IZUMO3: variants seen among roughly 807,000 people sequenced by gnomAD.
The protein encoded by IZUMO3 is izumo sperm-egg fusion protein 3.
Under a neutral mutation model 28.4 loss-of-function variants are expected in IZUMO3, and 36 were observed. That is an observed-to-expected ratio of 1.27 (90% CI 0.97 to 1.67). The LOEUF is 1.67. IZUMO3 is among the 40% of genes most tolerant of loss of function. The pLI, the probability that IZUMO3 is intolerant of heterozygous loss-of-function variation, is 0.00. For synonymous variants in IZUMO3, 126 were observed against 99.2 expected (o/e 1.27, Z -1.61); for missense variants, 387 against 278.5 (o/e 1.39, Z -2.77).
At chr9:24,543,438 G>GTTTTT (rs33972842) in intron 6 of IZUMO3, 71 bp from the exon 7 acceptor site, 455 of 37,708 alleles carry the variant, frequency 0.012, 106 homozygotes, top group Non-Finnish European at 0.013. Flanking sequence ...GTTATACATT[G>GTTTTT]TTTTTTTTTT....
At position 24,544,426 on chromosome 9, in the gene IZUMO3, A is replaced by G. The variant is rs552948795; in HGVS notation, c.410-145T>C. On this transcript the variant is annotated intron_variant, in intron 4 of 6. Transcript: ENST00000543880. ...CTGTGAATTTCTTCTTCTCCTAGAA[A>G]TCAAGTTTCTTGATGGATCAAAATC... The G allele has an allele frequency of 9.3e-5, 64 of 691,390 alleles. No individual in the cohort carries two copies. In the African/African-American group the frequency reaches 9.7e-4, roughly 10 times the overall value. 42.8% of individuals were successfully genotyped at this position (691,390 alleles called of 1,614,324 possible). A position where few individuals can be genotyped will look rare whatever the true frequency, so the allele number is the denominator to read the frequency against.
chr9:24,543,579 T>C (rs961166457), intron 6 of IZUMO3, 85 bp downstream of exon 6: 13 of 1,112,396 alleles, frequency 1.2e-5, no homozygotes, highest in Admixed American at 7.0e-5. Context: ...TTGCTTTATT[T>C]CCATTTGGAG....
chr9:24,544,812 C>T, intron 3 of IZUMO3, 52 bp from the exon 4 acceptor site: 1 of 1,515,698 alleles, frequency 6.6e-7, no homozygotes, highest in South Asian at 1.2e-5. Flanking sequence ...TACAGTTTGC[C>T]ATATTTATAC....
Position 24,545,810 on chromosome 9 carries a change from T to C in IZUMO3, c.-161A>G. 3 of 1,544,020 alleles carry C rather than the reference T, an allele frequency of 1.9e-6. No individual in the cohort carries two copies. Among genetic ancestry groups the C allele is most frequent in the East Asian group, 4.9e-5 (2 of 40,796 alleles). ...CACTATCGGGCAATCTTTAGTTGTT[T>C]AGTTTAATGATCTTTAGTTGTTTAC... On this transcript the variant is annotated 5_prime_UTR_variant, in exon 1 of 7. Coordinates refer to ENST00000543880, the MANE Select transcript of IZUMO3 (RefSeq NM_001365008.2).
intron 3 of IZUMO3, 82 bp from the exon 4 acceptor site, chr9:24,544,842 C>A: frequency 7.1e-7 from 1 of 1,416,652 alleles, no homozygotes; most frequent in South Asian, 1.2e-5. Flanking sequence ...CTTTGTTTAC[C>A]CTTTAAGTTC....
chr9:24,543,587 G>A, intron 6 of IZUMO3, 77 bp downstream of exon 6: 2 of 1,134,810 alleles, frequency 1.8e-6, no homozygotes, highest in South Asian at 1.4e-5. Flanking sequence ...TTTCCATTTG[G>A]AGGAAGAGGG....
rs569129989 is a variant in IZUMO3, at chr9:24,545,636, C to T, written c.14G>A (p.Trp5Ter). The T allele has an allele frequency of 6.5e-6, 10 of 1,535,066 alleles. No individual in the cohort carries two copies. In the East Asian group the frequency reaches 2.4e-4, roughly 38 times the overall value. ...TGAGAGGGGCAGGAGCAGGAATAAC[C>T]ACAGGTCACCCATTTCTTTCTTCAC... MGDL[W>*]LFLLLPLSAF... The change falls in exon 1 of 7, where the codon TGG (tryptophan) becomes TAG (stop). Residue 5 changes from tryptophan to a stop codon, truncating the protein, a stop_gained. Coordinates refer to ENST00000543880, the MANE Select transcript of IZUMO3 (RefSeq NM_001365008.2). LOFTEE classifies it high-confidence loss of function.
rs1333353567 is a variant in IZUMO3 at position 24,544,149 on chromosome 9, C to A, written c.490+52G>T. ...CATGTAGAATAAATCAGTGAGCAAC[C>A]CTGCTCCTTAATCCCTGTCCCTTCA... is the stretch of plus-strand genomic sequence containing the variant. On this transcript the variant is annotated intron_variant, in intron 5 of 6. Coordinates refer to ENST00000543880, the MANE Select transcript of IZUMO3 (RefSeq NM_001365008.2). The A allele has an allele frequency of 4.0e-6, 5 of 1,240,846 alleles. No individual in the cohort carries two copies. The Admixed American group carries it at 5.9e-5, about 15-fold the overall frequency. 76.9% of individuals were successfully genotyped at this position (1,240,846 alleles called of 1,614,324 possible). A position where few individuals can be genotyped will look rare whatever the true frequency, so the allele number is the denominator to read the frequency against.
chr9:24,545,226 T>C lies in IZUMO3; in HGVS notation c.287A>G (p.Asn96Ser). ...WLKNEFYKLGNETWKGVFIYQ... is the reference protein window; with the variant it reads ...WLKNEFYKLGSETWKGVFIYQ... The stretch of plus-strand genomic sequence containing the variant: ...CAGTACCTCACCTTTCCATGTTTCA[T>C]TGCCCAGTTTATAAAATTCATTCTT... Residue 96 changes from asparagine to serine, a missense_variant, in exon 2 of 7, where the codon AAT becomes AGT. Asn to Ser is a conservative substitution (Grantham distance 46). Coordinates refer to ENST00000543880, the MANE Select transcript of IZUMO3 (RefSeq NM_001365008.2). The C allele has an allele frequency of 7.1e-6, 11 of 1,550,158 alleles. No individual in the cohort carries two copies. The highest frequency in any genetic ancestry group is 9.6e-6 in the Non-Finnish European group (11 of 1,146,610).
chr9:24,544,170 C>G, intron 5 of IZUMO3, 31 bp downstream of exon 5: 1 of 1,464,422 alleles, frequency 6.8e-7, no homozygotes, highest in East Asian at 2.5e-5. Flanking sequence ...ATCCCTGTCC[C>G]TTCAAAATTC....
Position 24,543,425 on chromosome 9 carries a change from C to T in IZUMO3, c.582-58G>A. 3.4e-5 allele frequency: 15 copies of T among 439,702 alleles called. No homozygotes were observed. The South Asian group carries it at 4.7e-4, about 14-fold the overall frequency. 27.2% of individuals were successfully genotyped at this position (439,702 alleles called of 1,614,324 possible). On this transcript the variant is annotated intron_variant, in intron 6 of 6. Coordinates refer to ENST00000543880, the MANE Select transcript of IZUMO3 (RefSeq NM_001365008.2). ...AATATCAGTAGCCCCATTCTTTAAGCCAGTTATACATTGTTTTTTTTTTTT... is the reference window on the plus strand; with the variant it reads ...AATATCAGTAGCCCCATTCTTTAAGTCAGTTATACATTGTTTTTTTTTTTT...
In IZUMO3 at chr9:24,545,736, G is replaced by C. The variant is rs948637559; in HGVS notation, c.-87C>G. On this transcript the variant is annotated 5_prime_UTR_variant, in exon 1 of 7. Transcript: ENST00000543880. Reference sequence around the variant, plus strand: ...TTTTCCTTCAAAAATCCGGGAATGAGAGCCTGGTTCTGGATAGTCTGACTC... The same window carrying C: ...TTTTCCTTCAAAAATCCGGGAATGACAGCCTGGTTCTGGATAGTCTGACTC... 19 of 1,534,070 alleles carry C rather than the reference G, an allele frequency of 1.2e-5. No homozygotes were observed. The highest frequency in any genetic ancestry group is 2.2e-4 in the Middle Eastern group (1 of 4,600).
chr9:24,545,266 A>G lies in IZUMO3; in HGVS notation c.247T>C (p.Leu83=), dbSNP rs2117957807. 1.3e-6 allele frequency: 2 copies of G among 1,550,350 alleles called. No homozygotes were observed. The highest frequency in any genetic ancestry group is 2.4e-5 in the East Asian group (1 of 40,896). Residue 83 remains leucine (L), a synonymous_variant, in exon 2 of 7, where the codon TTG becomes CTG. Transcript: ENST00000543880. ...RVLAVQQVVK[L]RTWLKNEFYK... ...AATTCATTCTTCAACCATGTTCTCAACTTAACAACCTGCTGAACAGCTAGA... is the reference window on the plus strand; with the variant it reads ...AATTCATTCTTCAACCATGTTCTCAGCTTAACAACCTGCTGAACAGCTAGA...
rs1318234359 is a variant in IZUMO3 at position 24,545,242 on chromosome 9, A to G, written c.271T>C (p.Phe91Leu). Residue 91 changes from phenylalanine (F) to leucine (L), a missense_variant, in exon 2 of 7, where the codon TTT becomes CTT. Phe to Leu is a conservative substitution (Grantham distance 22). Coordinates refer to ENST00000543880, the MANE Select transcript of IZUMO3 (RefSeq NM_001365008.2). ...CATGTTTCATTGCCCAGTTTATAAA[A>G]TTCATTCTTCAACCATGTTCTCAAC... ...VKLRTWLKNE[F>L]YKLGNETWKG... 15 of 1,550,318 alleles carry G rather than the reference A, an allele frequency of 9.7e-6. No homozygotes were observed. Among genetic ancestry groups the G allele is most frequent in the Non-Finnish European group, 1.3e-5 (15 of 1,146,880 alleles).
intron 6 of IZUMO3, 116 bp downstream of exon 6, chr9:24,543,548 C>G: frequency 1.2e-6 from 1 of 848,236 alleles, no homozygotes; most frequent in Non-Finnish European, 1.7e-6. Flanking sequence ...TTCAGTATCC[C>G]AGAATTTAAA....
At chr9:24,543,573 T>A (rs1250406328) in intron 6 of IZUMO3, 91 bp downstream of exon 6, 30 of 1,077,490 alleles carry the variant, frequency 2.8e-5, no homozygotes, top group Non-Finnish European at 3.7e-5. Flanking sequence ...CTTCTTTTGC[T>A]TTATTTCCAT....
At chr9:24,544,643 G>A in intron 4 of IZUMO3, 100 bp downstream of exon 4, 1 of 1,045,002 alleles carries the variant, frequency 9.6e-7, no homozygotes, top group African/African-American at 1.6e-5. Flanking sequence ...CTAGGAATTG[G>A]TTTCCCAGTG....
In IZUMO3 at chr9:24,543,242, C is replaced by G. The variant is rs1351829925; in HGVS notation, c.707G>C (p.Arg236Thr). The change falls in exon 7 of 7, where the codon AGA becomes ACA. Residue 236 changes from arginine (R) to threonine (T), a missense_variant. Transcript: ENST00000543880. The stretch of plus-strand genomic sequence containing the variant: ...ATGTTGATGTGTTTATTTTCTGAGT[C>G]TAAAGTCTTTCTCCTCCTTCTCATC... ...KIDEKEEKDFRLRK is the reference protein window; with the variant it reads ...KIDEKEEKDFTLRK The G allele has an allele frequency of 6.5e-7, 1 of 1,544,884 alleles. No individual in the cohort carries two copies. The highest frequency in any genetic ancestry group is 8.7e-7 in the Non-Finnish European group (1 of 1,144,288).
chr9:24,545,371 C>A lies in IZUMO3; in HGVS notation c.226+53G>T. The A allele has an allele frequency of 3.2e-6, 5 of 1,547,368 alleles. No homozygotes were observed. In the South Asian group the frequency reaches 6.0e-5, roughly 18 times the overall value. The stretch of plus-strand genomic sequence containing the variant: ...GTAGACCCAGGTGTTCTCTTCCTTG[C>A]CTCCCTTCTCCGTTTAAGCCCCTGG... On this transcript the variant is annotated intron_variant, in intron 1 of 6. Transcript: ENST00000543880.
Sources: allele counts gnomAD v4.1 joint callset, GRCh38; gene constraint gnomAD v4.1.1; transcripts MANE v1.5; gene names NCBI Gene and HGNC (gene_info 2026-07-23, HGNC 2026-07-21).